Variants in LDB2 observed in about 807,000 individuals in gnomAD.
The protein encoded by LDB2 is LIM domain binding 2.
A neutral mutation model predicts 44.3 loss-of-function variants in LDB2; 12 were observed. The ratio of observed to expected loss-of-function variants is 0.27; its 90% CI spans 0.17 to 0.44. The LOEUF (loss-of-function observed/expected upper bound fraction) is 0.44. LDB2 is among the 20% of genes least tolerant of loss of function. The probability of loss-of-function intolerance (pLI) is 1.00; values close to 1 mark genes in which losing one functional copy is unlikely to be tolerated. For synonymous variants in LDB2, 164 were observed against 174.8 expected (o/e 0.94, Z 0.49); for missense variants, 344 against 473.5 (o/e 0.73, Z 2.54).
intron 5 of LDB2, among the ~76,000 whole-genome samples, chr4:16,539,476 C>G (rs1205603078): frequency 1.3e-5 from 2 of 152,134 alleles, no homozygotes; most frequent in Non-Finnish European, 2.9e-5. Context: ...GCCCCTTTCA[C>G]TTAGGTGACC....
chr4:16,764,592 G>A (rs1471815321), intron 1 of LDB2, among the ~76,000 whole-genome samples: 1 of 151,936 alleles, frequency 6.6e-6, no homozygotes, highest in Admixed American at 6.6e-5. Flanking sequence ...GAATGGTATG[G>A]ACCCTGCAAC....
chr4:16,847,709 A>T (rs371646844), intron 1 of LDB2, among the ~76,000 whole-genome samples: 1 of 152,134 alleles, frequency 6.6e-6, no homozygotes, highest in South Asian at 2.1e-4. Flanking sequence ...CTCCGCCTCC[A>T]GGGTTCACAC....
chr4:16,501,668 GA>G lies in LDB2; in HGVS notation c.*974del, dbSNP rs1451355548. 1 of 152,542 alleles carries G rather than the reference GA, an allele frequency of 6.6e-6. No homozygotes were observed. The highest frequency in any genetic ancestry group is 1.9e-4 in the East Asian group (1 of 5,198). 9.4% of individuals were successfully genotyped at this position (152,542 alleles called of 1,614,324 possible). On this transcript the variant is annotated 3_prime_UTR_variant, in exon 8 of 8. Coordinates refer to ENST00000304523, the MANE Select transcript of LDB2 (RefSeq NM_001290.5). ...GGAGGAACATATTAATATGCAAATG[GA>G]AAAATTAATTCTCTTATAAAGTTTC...
At chr4:16,897,808 C>T (rs1351877835) in intron 1 of LDB2, among the ~76,000 whole-genome samples, 2 of 151,244 alleles carry the variant, frequency 1.3e-5, no homozygotes, top group Non-Finnish European at 2.9e-5. Context: ...CAGGTTTACT[C>T]TTCTGCCCCT....
intron 2 of LDB2, among the ~76,000 whole-genome samples, chr4:16,685,131 G>A (rs2152572287): frequency 6.6e-6 from 1 of 152,292 alleles, no homozygotes; most frequent in African/African-American, 2.4e-5. Context: ...GGTTTATTTA[G>A]AACTTTCTGT....
At chr4:16,831,008 G>GA (rs1380518537) in intron 1 of LDB2, among the ~76,000 whole-genome samples, 1 of 152,090 alleles carries the variant, frequency 6.6e-6, no homozygotes, top group Non-Finnish European at 1.5e-5. Context: ...CCTTTTCTCA[G>GA]AAAGAGCTGA....
intron 5 of LDB2, among the ~76,000 whole-genome samples, chr4:16,583,086 C>G (rs1715371362): frequency 6.6e-6 from 1 of 152,208 alleles, no homozygotes; most frequent in Admixed American, 6.5e-5. Context: ...GCCTGCTCCT[C>G]CCTCCAACGG....
intron 7 of LDB2, among the ~76,000 whole-genome samples, chr4:16,507,712 C>G (rs1293891010): frequency 6.6e-6 from 1 of 151,846 alleles, no homozygotes; most frequent in Non-Finnish European, 1.5e-5. Context: ...ACAGGGACAG[C>G]AGAGAAGGAA....
In LDB2 at chr4:16,501,782, A is replaced by C. The variant is rs544163942; in HGVS notation, c.*861T>G. On this transcript the variant is annotated 3_prime_UTR_variant, in exon 8 of 8. Transcript: ENST00000304523. ...TTACAAAATATCATACAAGAAATAT[A>C]CTATAAAAAGAAAGGATGGTCAACT... 3.3e-5 allele frequency: 5 copies of C among 152,780 alleles called. No homozygotes were observed. The East Asian group carries it at 9.6e-4, about 29-fold the overall frequency. 9.5% of individuals were successfully genotyped at this position (152,780 alleles called of 1,614,324 possible). A position where few individuals can be genotyped will look rare whatever the true frequency, so the allele number is the denominator to read the frequency against.
intron 1 of LDB2, among the ~76,000 whole-genome samples, chr4:16,858,625 C>T (rs79316967): frequency 0.028 from 4,281 of 152,244 alleles, 179 homozygotes; most frequent in African/African-American, 0.091. Flanking sequence ...TATCACCCAT[C>T]GGTTATCTGT....
intron 2 of LDB2, among the ~76,000 whole-genome samples, chr4:16,608,910 C>G (rs1369756344): frequency 1.3e-5 from 2 of 152,168 alleles, no homozygotes; most frequent in Non-Finnish European, 2.9e-5. Flanking sequence ...TTCATTCTCT[C>G]TCTTCTGTCA....
At chr4:16,519,257 C>G (rs1356208647) in intron 5 of LDB2, among the ~76,000 whole-genome samples, 1 of 151,856 alleles carries the variant, frequency 6.6e-6, no homozygotes, top group Non-Finnish European at 1.5e-5. Context: ...TGTCATTAAC[C>G]CTCACCCCCA....
At chr4:16,795,568 C>T (rs1776583229) in intron 1 of LDB2, among the ~76,000 whole-genome samples, 1 of 152,086 alleles carries the variant, frequency 6.6e-6, no homozygotes, top group South Asian at 2.1e-4. Context: ...CTCTAGCTCA[C>T]CTTGGGTAAT....
chr4:16,851,103 A>G (rs910722045), intron 1 of LDB2, among the ~76,000 whole-genome samples: 16 of 151,976 alleles, frequency 1.1e-4, no homozygotes, highest in African/African-American at 3.9e-4. Context: ...GCTAGTGAAT[A>G]GTAAACAGCC....
At chr4:16,702,896 A>C (rs1753786931) in intron 2 of LDB2, among the ~76,000 whole-genome samples, 1 of 151,862 alleles carries the variant, frequency 6.6e-6, no homozygotes, top group African/African-American at 2.4e-5. Flanking sequence ...ATGCCTATGT[A>C]CTCTCTCTAC....
At chr4:16,788,944 C>G (rs887907558) in intron 1 of LDB2, among the ~76,000 whole-genome samples, 1 of 152,180 alleles carries the variant, frequency 6.6e-6, no homozygotes. Flanking sequence ...CTCCCCAAAG[C>G]CCCCAGACCG....
chr4:16,724,102 T>C (rs1378115879), intron 2 of LDB2, among the ~76,000 whole-genome samples: 2 of 152,148 alleles, frequency 1.3e-5, no homozygotes, highest in South Asian at 2.1e-4. Flanking sequence ...AAAAAACTTA[T>C]TGTCATACAA....
At chr4:16,503,307 C>T (rs1033815713) in intron 7 of LDB2, among the ~76,000 whole-genome samples, 2 of 152,052 alleles carry the variant, frequency 1.3e-5, no homozygotes, top group South Asian at 2.1e-4. Context: ...TAGCAGTGAC[C>T]GGAGACACAC....
At chr4:16,627,610 G>C (rs112494324) in intron 2 of LDB2, among the ~76,000 whole-genome samples, 55 of 152,134 alleles carry the variant, frequency 3.6e-4, no homozygotes, top group African/African-American at 1.3e-3. Context: ...TTTCCTAAGC[G>C]TACACAGACA....
Sources: gnomAD v4.1 joint callset for allele counts (sites outside exome capture counted in the v4.1 genomes callset) on GRCh38, gnomAD v4.1.1 for gene constraint, MANE v1.5 for transcripts, NCBI Gene and HGNC (gene_info 2026-07-23, HGNC 2026-07-21) for gene names.